Variants in C6 observed in about 807,000 individuals in gnomAD.
The protein encoded by C6 is complement C6, also known as complement component C6.
C6 carries 101 observed loss-of-function variants against 112.9 expected under a neutral mutation model. The ratio of observed to expected loss-of-function variants is 0.89; its 90% CI spans 0.76 to 1.06. The LOEUF (loss-of-function observed/expected upper bound fraction) is 1.06. C6 is among the 50% of genes least tolerant of loss of function. The probability of loss-of-function intolerance (pLI) is 0.00; values close to 1 mark genes in which losing one functional copy is unlikely to be tolerated. For missense variants in C6, 1,202 were observed against 1,104.6 expected (o/e 1.09, Z -1.25); for synonymous variants, 431 against 384.1 (o/e 1.12, Z -1.43).
At chr5:41,197,795 T>C (rs1313585992) in intron 4 of C6, among the ~76,000 whole-genome samples, 2 of 152,062 alleles carry the variant, frequency 1.3e-5, no homozygotes, top group Non-Finnish European at 2.9e-5. Context: ...AAAAACTCTA[T>C]GGAATAGAAA....
rs568708267 is a variant in C6 at position 41,151,932 on chromosome 5, A to G, written c.2290+1878T>C. Among the ~76,000 whole-genome samples the G allele has an allele frequency of 2.0e-5, 3 of 152,232 alleles. No homozygotes were observed. In the East Asian group the frequency reaches 5.8e-4, roughly 29 times the overall value. On this transcript the variant is annotated intron_variant, in intron 15 of 17. Transcript: ENST00000337836. ...TTGAAATTCAGATTTTCTTACAAGA[A>G]TCAGTGGAGAAATGCAGCTCCTAAA...
chr5:41,245,625 C>CA (rs1244683863), intron 1 of C6, among the ~76,000 whole-genome samples: 5 of 151,686 alleles, frequency 3.3e-5, no homozygotes, highest in African/African-American at 7.3e-5. Flanking sequence ...AAGTGGCTTT[C>CA]AAAAAAAATC....
At chr5:41,239,114 T>TC (rs1554036312) in intron 1 of C6, among the ~76,000 whole-genome samples, 43 of 146,212 alleles carry the variant, frequency 2.9e-4, no homozygotes, top group Middle Eastern at 3.4e-3. Context: ...TTTCTTTCTT[T>TC]TTTTTTTTTT....
At chr5:41,215,846 A>C (rs1752179315), upstream of C6, among the ~76,000 whole-genome samples, 1 of 152,122 alleles carries the variant, frequency 6.6e-6, no homozygotes, top group Non-Finnish European at 1.5e-5. Flanking sequence ...CCACAAATAT[A>C]AAATAATGAA....
chr5:41,181,398 A>G lies in C6; in HGVS notation c.888T>C (p.Asn296=). Residue 296 remains asparagine (N), a synonymous_variant, in exon 7 of 18, where the codon AAT becomes AAC. Transcript: ENST00000337836. The part of the protein sequence containing the change: ...SSKRSENINH[N]SAFKQAIQAS... Reference sequence around the variant, plus strand: ...CTTGAATGGCTTGTTTGAAGGCAGAATTATGGTTGATATTTTCACTTCTCT... The same window carrying G: ...CTTGAATGGCTTGTTTGAAGGCAGAGTTATGGTTGATATTTTCACTTCTCT... 1 of 1,613,746 alleles carries G rather than the reference A, an allele frequency of 6.2e-7. No individual in the cohort carries two copies. Among genetic ancestry groups the G allele is most frequent in the Non-Finnish European group, 8.5e-7 (1 of 1,179,802 alleles).
At chr5:41,177,395 A>G (rs1337767772) in intron 7 of C6, among the ~76,000 whole-genome samples, 1 of 152,200 alleles carries the variant, frequency 6.6e-6, no homozygotes, top group African/African-American at 2.4e-5. Flanking sequence ...ATGTCAGGTT[A>G]ATTGAGAATT....
Position 41,160,280 on chromosome 5 carries a change from C to T in C6, c.1546G>A (p.Ala516Thr), listed in dbSNP as rs767300931. Reference sequence around the variant, plus strand: ...GCACACTGGCAAGGATCGAACTTGGCTGCATACTCTTGCAAAGCTTTCCTG... The same window carrying T: ...GCACACTGGCAAGGATCGAACTTGGTTGCATACTCTTGCAAAGCTTTCCTG... ...NLRKALQEYA[A>T]KFDPCQCAPC... Residue 516 changes from alanine (A) to threonine (T), a missense_variant, in exon 11 of 18, where the codon GCC becomes ACC. Ala to Thr is a moderately conservative substitution (Grantham distance 58). Transcript: ENST00000337836. 2.5e-6 allele frequency: 4 copies of T among 1,613,752 alleles called. No individual in the cohort carries two copies. The African/African-American group carries it at 4.0e-5, about 16-fold the overall frequency.
At chr5:41,196,434 G>A (rs188977803) in intron 4 of C6, among the ~76,000 whole-genome samples, 2 of 151,996 alleles carry the variant, frequency 1.3e-5, no homozygotes, top group African/African-American at 4.8e-5. Context: ...TTTATATGAT[G>A]TCCAGGGAGA....
intron 1 of C6, among the ~76,000 whole-genome samples, chr5:41,204,111 C>A (rs1166559803): frequency 6.6e-6 from 1 of 152,154 alleles, no homozygotes; most frequent in East Asian, 1.9e-4. Flanking sequence ...ATGAAACATG[C>A]AACATTATTA....
At chr5:41,188,960 A>T (rs1487334994) in intron 5 of C6, among the ~76,000 whole-genome samples, 1 of 152,096 alleles carries the variant, frequency 6.6e-6, no homozygotes, top group African/African-American at 2.4e-5. Context: ...ATGAGCAAAT[A>T]ATTTGAGTAT....
Position 41,186,068 on chromosome 5 carries a change from A to T in C6, c.726+2T>A. Reference sequence around the variant, plus strand: ...AGTTGCCACCATGCTAGGCTGTCATACCTCAAAGCCGACATTTTCCAGATT... The same window carrying T: ...AGTTGCCACCATGCTAGGCTGTCATTCCTCAAAGCCGACATTTTCCAGATT... On this transcript the variant is annotated splice_donor_variant, in intron 6 of 17. Coordinates refer to ENST00000337836, the MANE Select transcript of C6 (RefSeq NM_000065.5). LOFTEE classifies it high-confidence loss of function. 1 of 1,613,894 alleles carries T rather than the reference A, an allele frequency of 6.2e-7. No individual in the cohort carries two copies.
chr5:41,192,506 C>T (rs1750293675), intron 5 of C6, among the ~76,000 whole-genome samples: 1 of 152,072 alleles, frequency 6.6e-6, no homozygotes, highest in South Asian at 2.1e-4. Flanking sequence ...CCATCCAGTC[C>T]TGGGCTTTTC....
chr5:41,228,246 A>T (rs1241274021), intron 1 of C6, among the ~76,000 whole-genome samples: 1 of 150,712 alleles, frequency 6.6e-6, no homozygotes, highest in East Asian at 2.0e-4. Flanking sequence ...TATTTTCTTG[A>T]TTTCTTTTTT....
At chr5:41,172,467 A>G in intron 8 of C6, 120 bp from the exon 9 acceptor site, 1 of 948,086 alleles carries the variant, frequency 1.1e-6, no homozygotes, top group South Asian at 1.4e-5. Flanking sequence ...TCTCTTCCCC[A>G]GTCCCCATAA....
At chr5:41,236,421 C>G (rs1740306967) in intron 1 of C6, among the ~76,000 whole-genome samples, 1 of 151,342 alleles carries the variant, frequency 6.6e-6, no homozygotes. Flanking sequence ...GATTAAGAAT[C>G]TCACTCAAAG....
chr5:41,248,315 T>G (rs552159956), intron 1 of C6, among the ~76,000 whole-genome samples: 4 of 152,200 alleles, frequency 2.6e-5, no homozygotes, highest in Admixed American at 6.5e-5. Flanking sequence ...AAACAAAAAT[T>G]GACAAGTGGG....
chr5:41,219,115 T>A (rs1449830521), intron 1 of C6, among the ~76,000 whole-genome samples: 1 of 152,232 alleles, frequency 6.6e-6, no homozygotes, highest in African/African-American at 2.4e-5. Flanking sequence ...ATTCAAGCCA[T>A]GTGTGCTGGC....
intron 9 of C6, among the ~76,000 whole-genome samples, chr5:41,164,960 A>G (rs1201572828): frequency 6.6e-6 from 1 of 152,194 alleles, no homozygotes; most frequent in African/African-American, 2.4e-5. Context: ...GAACTCTAGC[A>G]ACACCGGAAA....
rs1457405276 is a variant in C6, at chr5:41,181,419, T to C, written c.867A>G (p.Arg289=). 6 of 1,613,718 alleles carry C rather than the reference T, an allele frequency of 3.7e-6. No homozygotes were observed. The highest frequency in any genetic ancestry group is 3.3e-5 in the Admixed American group (2 of 59,984). Residue 289 remains arginine (R), a synonymous_variant, in exon 7 of 18, where the codon AGA becomes AGG. Coordinates refer to ENST00000337836, the MANE Select transcript of C6 (RefSeq NM_000065.5). ...FSVPIFYSSK[R]SENINHNSAF... is the part of the protein sequence containing the mutation. ...CAGAATTATGGTTGATATTTTCACT[T>C]CTCTTTGAGGAATAAAAAATTGGTA...
Sources: gnomAD v4.1 joint callset for allele counts (sites outside exome capture counted in the v4.1 genomes callset) on GRCh38, gnomAD v4.1.1 for gene constraint, MANE v1.5 for transcripts, NCBI Gene and HGNC (gene_info 2026-07-23, HGNC 2026-07-21) for gene names.